The following TEAD1 variants were observed in gnomAD, a reference collection of about 807,000 sequenced individuals.
TEAD1 encodes transcriptional enhancer factor TEF-1.
TEAD1 carries 9 observed loss-of-function variants against 54.9 expected under a neutral mutation model. The observed-to-expected ratio is 0.16, with a 90% confidence interval of 0.10 to 0.29. The LOEUF is 0.29. TEAD1 is among the 10% of genes least tolerant of loss of function. TEAD1 has a pLI of 1.00. For synonymous variants in TEAD1, 200 were observed against 187.8 expected (o/e 1.07, Z -0.53); for missense variants, 387 against 535.9 (o/e 0.72, Z 2.74).
At chr11:12,717,427 G>A (rs1401179708) in intron 2 of TEAD1, among the ~76,000 whole-genome samples, 1 of 152,182 alleles carries the variant, frequency 6.6e-6, no homozygotes, top group Non-Finnish European at 1.5e-5. Context: ...TGTGTAAGGT[G>A]GACAGTGGAA....
At chr11:12,853,957 C>T (rs911217453) in intron 3 of TEAD1, among the ~76,000 whole-genome samples, 1 of 152,048 alleles carries the variant, frequency 6.6e-6, no homozygotes, top group African/African-American at 2.4e-5. Flanking sequence ...TTTTAATAAG[C>T]CCCTGGGTGA....
chr11:12,720,365 T>G (rs1342914073), intron 2 of TEAD1, among the ~76,000 whole-genome samples: 1 of 152,146 alleles, frequency 6.6e-6, no homozygotes, highest in Non-Finnish European at 1.5e-5. Context: ...ACATAGATAG[T>G]CTGCATGCTT....
At chr11:12,934,571 T>TA (rs1949067527) in intron 12 of TEAD1, among the ~76,000 whole-genome samples, 2 of 148,660 alleles carry the variant, frequency 1.3e-5, no homozygotes, top group African/African-American at 5.0e-5. Context: ...AAAGCTAAAC[T>TA]TAAAAAAAAA....
At chr11:12,692,585 G>T (rs1211234038) in intron 2 of TEAD1, among the ~76,000 whole-genome samples, 1 of 152,158 alleles carries the variant, frequency 6.6e-6, no homozygotes, top group Non-Finnish European at 1.5e-5. Flanking sequence ...TATTGTAGGG[G>T]TTTATTTCCC....
chr11:12,822,221 C>G (rs750440640), intron 3 of TEAD1, among the ~76,000 whole-genome samples: 1 of 152,086 alleles, frequency 6.6e-6, no homozygotes, highest in Admixed American at 6.6e-5. Context: ...CTCGGCCTCC[C>G]GAAGTGTTGG....
chr11:12,841,708 A>T (rs972453143), intron 3 of TEAD1, among the ~76,000 whole-genome samples: 1 of 152,160 alleles, frequency 6.6e-6, no homozygotes, highest in East Asian at 1.9e-4. Context: ...ATCGAAGCAC[A>T]CTAGTGCTTT....
intron 2 of TEAD1, among the ~76,000 whole-genome samples, chr11:12,734,375 ATG>A (rs1396890130): frequency 6.6e-6 from 1 of 152,248 alleles, no homozygotes; most frequent in African/African-American, 2.4e-5. Context: ...AAATTAAAAA[ATG>A]TGTAAAGTTG....
At chr11:12,686,690 G>A (rs540198064) in intron 2 of TEAD1, among the ~76,000 whole-genome samples, 33 of 152,282 alleles carry the variant, frequency 2.2e-4, no homozygotes, top group Admixed American at 1.3e-3. Flanking sequence ...GGGAGACTGT[G>A]TAATGATGTC....
Position 12,761,739 on chromosome 11 carries a change from C to T in TEAD1, c.-54-2440C>T, listed in dbSNP as rs139983979. Reference sequence around the variant, plus strand: ...ATGGGTATCTTAGGAGAGATTTGCTCCCCTGAAGGATGGGGTATACTCTCA... The same window carrying T: ...ATGGGTATCTTAGGAGAGATTTGCTTCCCTGAAGGATGGGGTATACTCTCA... On this transcript the variant is annotated intron_variant, in intron 2 of 12. Coordinates refer to ENST00000527636, the MANE Select transcript of TEAD1 (RefSeq NM_021961.6). 1.9e-4 allele frequency among the ~76,000 whole-genome samples: 29 copies of T among 152,200 alleles called. No individual in the cohort carries two copies. The Middle Eastern group carries it at 0.014, about 71-fold the overall frequency.
At chr11:12,816,316 G>C (rs1456575852) in intron 3 of TEAD1, among the ~76,000 whole-genome samples, 1 of 152,188 alleles carries the variant, frequency 6.6e-6, no homozygotes, top group Non-Finnish European at 1.5e-5. Context: ...TAGGATTTTG[G>C]AGGAGCATTC....
intron 3 of TEAD1, among the ~76,000 whole-genome samples, chr11:12,809,058 C>T (rs1362267867): frequency 2.0e-5 from 3 of 152,160 alleles, no homozygotes; most frequent in Admixed American, 1.3e-4. Context: ...AAACCAAAAA[C>T]GTTCTTACTG....
chr11:12,944,733 GGTCACCTTTTTTATCTGCAGAAGTGTAT>G (rs1382799820), exon 13 of TEAD1, among the ~76,000 whole-genome samples: 5 of 152,068 alleles, frequency 3.3e-5, no homozygotes, highest in Non-Finnish European at 7.4e-5. Context: ...TGAAAGTGTG[GGTCACCTTTTTTATCTGCAGAAGTGTAT>G]GTTGTTAGGA....
At chr11:12,851,882 A>T (rs923247902) in intron 3 of TEAD1, among the ~76,000 whole-genome samples, 11 of 152,186 alleles carry the variant, frequency 7.2e-5, no homozygotes, top group African/African-American at 2.7e-4. Flanking sequence ...CAGGTGCTTT[A>T]CCATGGAGCA....
intron 12 of TEAD1, among the ~76,000 whole-genome samples, chr11:12,935,686 CT>C (rs1263260734): frequency 6.6e-6 from 1 of 152,110 alleles, no homozygotes; most frequent in Non-Finnish European, 1.5e-5. Context: ...TCTCGAACTC[CT>C]GACCTTGTGA....
chr11:12,758,558 C>T (rs1475331178), intron 2 of TEAD1, among the ~76,000 whole-genome samples: 2 of 152,026 alleles, frequency 1.3e-5, no homozygotes, highest in African/African-American at 4.8e-5. Flanking sequence ...CTACAGGCGC[C>T]TGCCACCACG....
At chr11:12,792,689 G>A (rs993506063) in intron 3 of TEAD1, among the ~76,000 whole-genome samples, 1 of 152,078 alleles carries the variant, frequency 6.6e-6, no homozygotes, top group Non-Finnish European at 1.5e-5. Context: ...CGCCTGTATG[G>A]GTGCTATGAG....
chr11:12,860,536 T>A lies in TEAD1; in HGVS notation c.203-1714T>A, dbSNP rs183552985. On this transcript the variant is annotated intron_variant, in intron 3 of 12. Transcript: ENST00000527636. ...AGACAAGATTTCCCTAAGGACATTT[T>A]GATGTTCGTCTTCATCAGTGTTTCC... 1.8e-4 allele frequency among the ~76,000 whole-genome samples: 28 copies of A among 152,340 alleles called. No homozygotes were observed. The East Asian group carries it at 5.0e-3, about 27-fold the overall frequency.
At chr11:12,831,954 A>G (rs1946792702) in intron 3 of TEAD1, among the ~76,000 whole-genome samples, 1 of 152,114 alleles carries the variant, frequency 6.6e-6, no homozygotes, top group African/African-American at 2.4e-5. Flanking sequence ...ACTGCTCTCA[A>G]CAGGTATTAA....
intron 3 of TEAD1, among the ~76,000 whole-genome samples, chr11:12,808,574 C>T (rs1946226780): frequency 6.6e-6 from 1 of 152,172 alleles, no homozygotes; most frequent in Non-Finnish European, 1.5e-5. Flanking sequence ...GTAGCAACTG[C>T]CTGGACAGTG....
Sources: allele counts gnomAD v4.1 joint callset (sites outside exome capture counted in the v4.1 genomes callset), GRCh38; gene constraint gnomAD v4.1.1; transcripts MANE v1.5; gene names NCBI Gene and HGNC (gene_info 2026-07-23, HGNC 2026-07-21).